UTRN: variants seen among roughly 807,000 people sequenced by gnomAD.
The protein encoded by UTRN is utrophin.
In UTRN, 283 loss-of-function variants were observed where a neutral mutation model predicts 463.9. The observed-to-expected ratio is 0.61, with a 90% CI of 0.55 to 0.67. The LOEUF is 0.67. Ranked by LOEUF, UTRN falls within the 30% of genes least tolerant of loss-of-function variation. The pLI is 0.00. For missense variants in UTRN, 3,922 were observed against 4,084.3 expected (o/e 0.96, Z 1.08); for synonymous variants, 1,442 against 1,431.5 (o/e 1.01, Z -0.17).
chr6:144,827,383 A>C lies in UTRN; in HGVS notation c.9530A>C (p.Tyr3177Ser), dbSNP rs777498799. 1.2e-6 allele frequency: 2 copies of C among 1,613,432 alleles called. No individual in the cohort carries two copies. Among genetic ancestry groups the C allele is most frequent in the Non-Finnish European group, 1.7e-6 (2 of 1,179,612 alleles). ...ITLISMWPEH[Y>S]DPSQSPQLFH... Reference sequence around the variant, plus strand: ...CTCATCAGTATGTGGCCAGAGCACTATGAGTGAGTATTCATAGCCCACGTG... The same window carrying C: ...CTCATCAGTATGTGGCCAGAGCACTCTGAGTGAGTATTCATAGCCCACGTG... Residue 3177 changes from tyrosine (Y) to serine (S), a missense_variant, in exon 67 of 75, where the codon TAT becomes TCT. This residue lies in a region of UTRN where 1,309 missense variants were observed against 1,452.6 expected (regional missense o/e 0.90). Transcript: ENST00000367545.
At chr6:144,579,483 C>A (rs1008061767) in intron 51 of UTRN, among the ~76,000 whole-genome samples, 1 of 152,122 alleles carries the variant, frequency 6.6e-6, no homozygotes, top group Non-Finnish European at 1.5e-5. Context: ...TGGTAATGAG[C>A]ACCAGCAAAA....
chr6:144,298,595 G>T (rs754930356), intron 2 of UTRN, among the ~76,000 whole-genome samples: 1 of 152,218 alleles, frequency 6.6e-6, no homozygotes, highest in Non-Finnish European at 1.5e-5. Context: ...AAAAAATGCA[G>T]ATCTGTCTTT....
In UTRN at chr6:144,426,409, C is replaced by T. The variant is rs755980250; in HGVS notation, c.528C>T (p.Thr176=). ...PYSQVNVLNF[T]TSWTDGLAFN... ...GCCAAGTCAACGTCCTCAACTTCACCACCAGCTGGACAGATGGACTCGCCT... is the reference window on the plus strand; with the variant it reads ...GCCAAGTCAACGTCCTCAACTTCACTACCAGCTGGACAGATGGACTCGCCT... Residue 176 remains threonine (T), a synonymous_variant, in exon 7 of 75, where the codon ACC becomes ACT. Coordinates refer to ENST00000367545, the MANE Select transcript of UTRN (RefSeq NM_007124.3). The T allele has an allele frequency of 2.5e-6, 4 of 1,614,040 alleles. No individual in the cohort carries two copies. In the Admixed American group the frequency reaches 6.7e-5, roughly 27 times the overall value.
intron 2 of UTRN, among the ~76,000 whole-genome samples, chr6:144,328,988 T>C (rs777010242): frequency 2.4e-4 from 36 of 151,998 alleles, no homozygotes; most frequent in Non-Finnish European, 4.0e-4. Flanking sequence ...TTACACCATG[T>C]TGGCCAGCCT....
intron 17 of UTRN, among the ~76,000 whole-genome samples, chr6:144,450,977 G>A (rs1788225064): frequency 6.6e-6 from 1 of 152,080 alleles, no homozygotes. Context: ...GCTGGGTGTG[G>A]TGGTGGGCAC....
intron 51 of UTRN, among the ~76,000 whole-genome samples, chr6:144,615,245 G>A (rs1354625539): frequency 2.6e-5 from 4 of 152,084 alleles, no homozygotes; most frequent in South Asian, 2.1e-4. Flanking sequence ...TCTCAATGGC[G>A]CAGCTTCCTA....
intron 51 of UTRN, among the ~76,000 whole-genome samples, chr6:144,598,645 G>T (rs1221082983): frequency 6.6e-6 from 1 of 152,142 alleles, no homozygotes; most frequent in Non-Finnish European, 1.5e-5. Context: ...ATATTTTGGG[G>T]TAAAATACTT....
chr6:144,781,990 C>T lies in UTRN; in HGVS notation c.8701C>T (p.Leu2901Phe), dbSNP rs369466914. The T allele has an allele frequency of 4.3e-6, 7 of 1,614,020 alleles. No individual in the cohort carries two copies. The South Asian group carries it at 7.7e-5, about 18-fold the overall frequency. Residue 2901 changes from leucine to phenylalanine, a missense_variant, in exon 61 of 75, where the codon CTC (leucine) becomes TTC (phenylalanine). This residue lies in a region of UTRN where 1,309 missense variants were observed against 1,452.6 expected (regional missense o/e 0.90). Coordinates refer to ENST00000367545, the MANE Select transcript of UTRN (RefSeq NM_007124.3). ...GCACAAGTTGAACCAAAATGACCAG[C>T]TCCTCAGTGTTCCAGATGTCATCAA... ...KQHKLNQNDQ[L>F]LSVPDVINCL...
chr6:144,549,798 A>G (rs1298190680), intron 47 of UTRN, among the ~76,000 whole-genome samples: 2 of 152,234 alleles, frequency 1.3e-5, no homozygotes, highest in African/African-American at 4.8e-5. Flanking sequence ...TAGGGCCAAC[A>G]TTTGTGCAAT....
At chr6:144,703,567 C>T (rs1042463590) in intron 53 of UTRN, among the ~76,000 whole-genome samples, 1 of 152,124 alleles carries the variant, frequency 6.6e-6, no homozygotes, top group Non-Finnish European at 1.5e-5. Flanking sequence ...AAGGAAGAGC[C>T]AGAAGGCTAG....
At chr6:144,523,215 ATTT>A in intron 41 of UTRN, 27 bp downstream of exon 41, 1 of 1,482,050 alleles carries the variant, frequency 6.7e-7, no homozygotes, top group Non-Finnish European at 9.0e-7. Context: ...TTAATATTTA[ATTT>A]AAAAAAATGC....
chr6:144,749,464 G>T (rs1416289759), intron 55 of UTRN, among the ~76,000 whole-genome samples: 1 of 152,178 alleles, frequency 6.6e-6, no homozygotes, highest in Non-Finnish European at 1.5e-5. Flanking sequence ...TAGCACCTTT[G>T]ATACTAGCAG....
At chr6:144,732,050 C>T (rs1024920093) in intron 54 of UTRN, among the ~76,000 whole-genome samples, 3 of 151,492 alleles carry the variant, frequency 2.0e-5, no homozygotes, top group African/African-American at 4.8e-5. Context: ...TTAGTAGAGA[C>T]GAGGTTTTGC....
rs1454781033 is a variant in UTRN, at chr6:144,471,057, A to AGGGGGGGAGGGGGT, written c.3067-2662_3067-2661insGGGGGGAGGGGGTG. ...ACGAGGGAGGGGGAGAGGGAGGGGG[A>AGGGGGGGAGGGGGT]GAGGGAGGGGGAGGGGGCGAGGGAG... On this transcript the variant is annotated intron_variant, in intron 23 of 74. Transcript: ENST00000367545. 9.8e-4 allele frequency among the ~76,000 whole-genome samples: 21 copies of AGGGGGGGAGGGGGT among 21,466 alleles called. No individual in the cohort carries two copies. In the East Asian group the frequency reaches 0.015, roughly 16 times the overall value. The allele number at this position is 21,466 out of a possible 152,430, so 14.1% of individuals were successfully genotyped here. A position where few individuals can be genotyped will look rare whatever the true frequency, so the allele number is the denominator to read the frequency against.
rs563746419 is a variant in UTRN at position 144,790,651 on chromosome 6, G to C, written c.8920+1372G>C. 2.2e-3 allele frequency among the ~76,000 whole-genome samples: 337 copies of C among 152,260 alleles called. 1 individual carries two copies. Among genetic ancestry groups the C allele is most frequent in the Non-Finnish European group, 3.6e-3 (247 of 68,014 alleles). ...CTTTGCCCAAGACTTTTGCTTTGTG[G>C]CACTTTATCCAGAATTGAAGTAGTT... On this transcript the variant is annotated intron_variant, in intron 62 of 74. Transcript: ENST00000367545.
At chr6:144,513,795 C>A (rs528991442) in intron 35 of UTRN, 114 bp from the exon 36 acceptor site, 2 of 1,209,280 alleles carry the variant, frequency 1.7e-6, no homozygotes, top group African/African-American at 1.5e-5. Flanking sequence ...GGTGAAAGCT[C>A]TCCTTTAAAT....
At chr6:144,402,440 A>G (rs565492634) in intron 2 of UTRN, among the ~76,000 whole-genome samples, 9 of 152,324 alleles carry the variant, frequency 5.9e-5, no homozygotes, top group African/African-American at 2.2e-4. Context: ...CCATATTTCA[A>G]AAGTTCAGGG....
chr6:144,688,212 T>C (rs1782948652), intron 52 of UTRN, among the ~76,000 whole-genome samples: 1 of 152,194 alleles, frequency 6.6e-6, no homozygotes, highest in African/African-American at 2.4e-5. Context: ...ATGTATTCCA[T>C]TTCCAGAAGT....
chr6:144,311,341 G>A (rs1057332347), intron 2 of UTRN, among the ~76,000 whole-genome samples: 5 of 152,224 alleles, frequency 3.3e-5, no homozygotes, highest in African/African-American at 1.2e-4. Context: ...AGAGTTTGGG[G>A]GGTGGGACTG....
Sources: allele counts gnomAD v4.1 joint callset (sites outside exome capture counted in the v4.1 genomes callset), GRCh38; gene constraint gnomAD v4.1.1; regional missense constraint gnomAD v4.1.1; transcripts MANE v1.5; gene names NCBI Gene and HGNC (gene_info 2026-07-23, HGNC 2026-07-21).